Variants in BABAM2 observed in about 807,000 individuals in gnomAD.
BABAM2 encodes the protein BRISC and BRCA1-A complex member 2.
A neutral mutation model predicts 54.7 loss-of-function variants in BABAM2; 31 were observed. That is an observed-to-expected ratio of 0.57 (90% CI 0.43 to 0.77). The LOEUF is 0.77. Ranked by LOEUF, BABAM2 falls within the 30% of genes least tolerant of loss-of-function variation. The probability of loss-of-function intolerance (pLI) is 0.00; values close to 1 mark genes in which losing one functional copy is unlikely to be tolerated. For missense variants in BABAM2, 364 were observed against 455.8 expected (o/e 0.80, Z 1.83); for synonymous variants, 167 against 162.9 (o/e 1.03, Z -0.19).
At chr2:28,222,649 C>T (rs1385978820) in intron 7 of BABAM2, among the ~76,000 whole-genome samples, 2 of 152,176 alleles carry the variant, frequency 1.3e-5, no homozygotes, top group African/African-American at 4.8e-5. Flanking sequence ...AGTAGCAATC[C>T]AAATTCTCAA....
intron 4 of BABAM2, among the ~76,000 whole-genome samples, chr2:27,999,147 C>T (rs1381210175): frequency 1.3e-5 from 2 of 152,024 alleles, no homozygotes; most frequent in Non-Finnish European, 2.9e-5. Flanking sequence ...GTTTTCCTAA[C>T]ATCTATTTGT....
intron 8 of BABAM2, among the ~76,000 whole-genome samples, chr2:28,237,559 T>C (rs1421398992): frequency 1.3e-5 from 2 of 152,336 alleles, no homozygotes; most frequent in East Asian, 3.9e-4. Context: ...TGTCTGGGAT[T>C]TAAGTCACGT....
In BABAM2 at chr2:28,248,611, G is replaced by A. The variant is rs563549460; in HGVS notation, c.934+3749G>A. Among the ~76,000 whole-genome samples the A allele has an allele frequency of 3.3e-5, 5 of 152,194 alleles. No homozygotes were observed. In the East Asian group the frequency reaches 9.7e-4, roughly 29 times the overall value. On this transcript the variant is annotated intron_variant, in intron 10 of 11. Coordinates refer to ENST00000379624, the MANE Select transcript of BABAM2 (RefSeq NM_199191.3). ...TGGGGAAAAGCTACATGCTTTTTTT[G>A]TGGGTCCCAGTCAACTGCACTGTAA...
chr2:28,325,792 A>G lies in BABAM2; in HGVS notation c.1089-12658A>G, dbSNP rs999157571. Among the ~76,000 whole-genome samples, 1 of 152,228 alleles carries G rather than the reference A, an allele frequency of 6.6e-6. No homozygotes were observed. The highest frequency in any genetic ancestry group is 1.5e-5 in the Non-Finnish European group (1 of 68,034). Reference sequence around the variant, plus strand: ...CCAAAAGCTGTGTCCAAAAGCCAGCATGCAGGGGCCTGAGCACCTGTGGAA... The same window carrying G: ...CCAAAAGCTGTGTCCAAAAGCCAGCGTGCAGGGGCCTGAGCACCTGTGGAA... On this transcript the variant is annotated intron_variant, in intron 11 of 11. Transcript: ENST00000379624. The surrounding 1 kb of genome is among the most constrained non-coding windows in gnomAD (Gnocchi z 4.3).
intron 3 of BABAM2, among the ~76,000 whole-genome samples, chr2:27,958,576 A>G (rs1397257100): frequency 2.0e-5 from 3 of 150,938 alleles, no homozygotes; most frequent in Admixed American, 1.3e-4. Context: ...ATATGTATAT[A>G]TGTATATTTA....
intron 7 of BABAM2, among the ~76,000 whole-genome samples, chr2:28,227,450 G>A (rs1048175326): frequency 1.3e-5 from 2 of 152,120 alleles, no homozygotes; most frequent in African/African-American, 4.8e-5. Flanking sequence ...CTGTGTCCTC[G>A]TTACTTCCAG....
At chr2:28,038,221 T>C (rs1172816274) in intron 5 of BABAM2, among the ~76,000 whole-genome samples, 1 of 152,196 alleles carries the variant, frequency 6.6e-6, no homozygotes, top group East Asian at 1.9e-4. Context: ...TTTTCCTGCC[T>C]GGTGTTATTT....
chr2:27,898,904 A>G (rs544795643), intron 2 of BABAM2, among the ~76,000 whole-genome samples: 1 of 152,024 alleles, frequency 6.6e-6, no homozygotes, highest in Non-Finnish European at 1.5e-5. Flanking sequence ...ATCAAATTGC[A>G]CACTTCACAG....
chr2:28,073,633 A>G (rs994927953), intron 6 of BABAM2, among the ~76,000 whole-genome samples: 2 of 152,232 alleles, frequency 1.3e-5, no homozygotes, highest in African/African-American at 4.8e-5. Context: ...AACACTAATA[A>G]TAATATAATA....
rs150139072 is a variant in BABAM2, at chr2:28,205,047, C to G, written c.681-32155C>G. On this transcript the variant is annotated intron_variant, in intron 7 of 11. Transcript: ENST00000379624. ...TTCTTTTCTATTTTTTTTTGGCCAA[C>G]CTGGATCACTGGGTCATTGAAAACA... Among the ~76,000 whole-genome samples, 298 of 150,004 alleles carry G rather than the reference C, an allele frequency of 2.0e-3. 8 individuals are homozygous for G. Among genetic ancestry groups the G allele is most frequent in the East Asian group, 0.015 (75 of 5,134 alleles).
chr2:28,093,811 A>G (rs952223226), intron 6 of BABAM2, among the ~76,000 whole-genome samples: 9 of 152,222 alleles, frequency 5.9e-5, no homozygotes, highest in African/African-American at 1.9e-4. Context: ...AGTGAGGGAA[A>G]CAGATAAGAA....
At chr2:28,179,443 T>TA (rs1675381235) in intron 7 of BABAM2, among the ~76,000 whole-genome samples, 1 of 152,082 alleles carries the variant, frequency 6.6e-6, no homozygotes. Context: ...TCCTTGGTGA[T>TA]AAAAATCTCA....
intron 6 of BABAM2, among the ~76,000 whole-genome samples, chr2:28,070,947 C>T (rs562646927): frequency 6.6e-6 from 1 of 152,144 alleles, no homozygotes; most frequent in Non-Finnish European, 1.5e-5. Context: ...TTAGTGAGAT[C>T]ATAGCACACC....
chr2:27,938,008 T>C (rs1330655176), intron 3 of BABAM2, among the ~76,000 whole-genome samples: 2 of 152,230 alleles, frequency 1.3e-5, no homozygotes, highest in African/African-American at 4.8e-5. Context: ...GGGCTAGTGT[T>C]ACTCCTCTTC....
At chr2:28,015,807 T>C (rs1674757672) in intron 4 of BABAM2, 24 of 1,008,720 alleles carry the variant, frequency 2.4e-5, no homozygotes, top group South Asian at 7.0e-5. Context: ...GTTTTTCTCA[T>C]GCTTCTTTTT....
At chr2:28,082,987 C>T (rs1665310107) in intron 6 of BABAM2, among the ~76,000 whole-genome samples, 1 of 151,720 alleles carries the variant, frequency 6.6e-6, no homozygotes, top group Non-Finnish European at 1.5e-5. Flanking sequence ...AACCTCAGTA[C>T]CTGGGTCTTA....
At chr2:28,121,996 T>C (rs6758814) in intron 6 of BABAM2, among the ~76,000 whole-genome samples, 69,539 of 151,798 alleles carry the variant, frequency 0.46, 16,522 homozygotes, top group African/African-American at 0.52. Context: ...GGGTGGATCA[T>C]GAGGTCAGGA....
At position 27,893,373 on chromosome 2, in the gene BABAM2, G is replaced by A. The variant is rs536332416; in HGVS notation, c.-24-1160G>A. Among the ~76,000 whole-genome samples, 3 of 152,280 alleles carry A rather than the reference G, an allele frequency of 2.0e-5. No homozygotes were observed. In the East Asian group the frequency reaches 5.8e-4, roughly 29 times the overall value. ...GTCAAATACCTTAAGATCCATGTTA[G>A]TCTGTGTTGCTTGATAGCTGCATAG... On this transcript the variant is annotated intron_variant, in intron 1 of 11. Transcript: ENST00000379624.
chr2:27,890,379 G>A (rs773544042), upstream of BABAM2: 359 of 1,595,072 alleles, frequency 2.3e-4, no homozygotes, highest in Non-Finnish European at 2.9e-4. The surrounding 1 kb of genome is among the most constrained non-coding windows in gnomAD (Gnocchi z 4.8). Flanking sequence ...CCTGGACGGT[G>A]ACCTCTGCCC....
Sources: allele counts gnomAD v4.1 joint callset (sites outside exome capture counted in the v4.1 genomes callset), GRCh38; gene constraint gnomAD v4.1.1; non-coding constraint Gnocchi (gnomAD v3.1); transcripts MANE v1.5; gene names NCBI Gene and HGNC (gene_info 2026-07-23, HGNC 2026-07-21).